PDE1C: variants seen among roughly 807,000 people sequenced by gnomAD.
The protein encoded by PDE1C is dual specificity calcium/calmodulin-dependent 3',5'-cyclic nucleotide phosphodiesterase 1C.
Under a neutral mutation model 93.1 loss-of-function variants are expected in PDE1C, and 62 were observed. The observed-to-expected ratio is 0.67, with a 90% confidence interval of 0.54 to 0.82. PDE1C has a LOEUF of 0.82. Among genes scored for constraint, PDE1C ranks in the 40% least tolerant of loss-of-function variants. PDE1C has a pLI of 0.00. For missense variants in PDE1C, 742 were observed against 884.6 expected, an observed-to-expected ratio of 0.84 and a Z score of 2.04; for synonymous variants, 325 against 310.1, an observed-to-expected ratio of 1.05 and a Z score of -0.50.
chr7:32,326,502 G>T (rs1783406246), intron 1 of PDE1C, among the ~76,000 whole-genome samples: 1 of 152,226 alleles, frequency 6.6e-6, no homozygotes, highest in African/African-American at 2.4e-5. Flanking sequence ...AGAGATTACA[G>T]TGCCTCGGAA....
intron 2 of PDE1C, among the ~76,000 whole-genome samples, chr7:32,174,361 T>C (rs1343802161): frequency 6.6e-6 from 1 of 151,994 alleles, no homozygotes; most frequent in African/African-American, 2.4e-5. Flanking sequence ...CAAGCAATCA[T>C]AATAAACTGG....
At chr7:32,245,476 C>T (rs1310492283) in intron 1 of PDE1C, among the ~76,000 whole-genome samples, 1 of 152,182 alleles carries the variant, frequency 6.6e-6, no homozygotes. Flanking sequence ...GTCCCTTCTC[C>T]AGCCCAATCC....
Position 32,328,538 on chromosome 7 carries a change from A to G in PDE1C, c.310+99284T>C, listed in dbSNP as rs118121395. 7.6e-3 allele frequency among the ~76,000 whole-genome samples: 1,164 copies of G among 152,216 alleles called. 13 individuals carry two copies. The highest frequency in any genetic ancestry group is 0.024 in the Middle Eastern group (7 of 294). On this transcript the variant is annotated intron_variant, in intron 1 of 1. Coordinates refer to the PDE1C transcript ENST00000672256. ...TCCATGTTCACTGTGCTCCAGACAC[A>G]CTGCCTCCTTCCTCTTCCTTGAACA... is the stretch of plus-strand genomic sequence containing the variant.
intron 16 of PDE1C, among the ~76,000 whole-genome samples, chr7:31,805,207 A>G (rs1272162023): frequency 6.6e-6 from 1 of 151,554 alleles, no homozygotes; most frequent in Non-Finnish European, 1.5e-5. Flanking sequence ...TTTCCTTTAT[A>G]AATTACCCAG....
chr7:32,240,465 T>C (rs1808463738), intron 1 of PDE1C, among the ~76,000 whole-genome samples: 1 of 152,104 alleles, frequency 6.6e-6, no homozygotes, highest in Non-Finnish European at 1.5e-5. Flanking sequence ...ATGGTGTTGT[T>C]TACTATGATA....
At chr7:31,625,302 G>T in the PDE1C span, among the ~76,000 whole-genome samples, 1 of 151,768 alleles carries the variant, frequency 6.6e-6, no homozygotes, top group Non-Finnish European at 1.5e-5. Flanking sequence ...AAATCATGCT[G>T]CTATAAAGAC....
At chr7:31,652,143 A>G in the PDE1C span, 6 of 990,488 alleles carry the variant, frequency 6.1e-6, no homozygotes, top group Non-Finnish European at 9.2e-6. Flanking sequence ...TCATTTCAGA[A>G]TCTAGGTTTA....
chr7:32,087,395 T>C (rs932245840), intron 3 of PDE1C, among the ~76,000 whole-genome samples: 2 of 152,142 alleles, frequency 1.3e-5, no homozygotes, highest in African/African-American at 4.8e-5. Flanking sequence ...ACTTTTACAC[T>C]GTTGGTGGGA....
chr7:31,808,591 T>C (rs896886461), intron 16 of PDE1C, among the ~76,000 whole-genome samples: 3 of 151,916 alleles, frequency 2.0e-5, no homozygotes, highest in Non-Finnish European at 4.4e-5. Context: ...TTTGTTTTTG[T>C]TTTAAACAAA....
the PDE1C span, among the ~76,000 whole-genome samples, chr7:31,733,316 T>C: frequency 6.6e-6 from 1 of 152,198 alleles, no homozygotes. Context: ...CTGAGCATAT[T>C]GCACAGTCAA....
In PDE1C at chr7:32,255,555, G is replaced by A. The variant is rs75920251; in HGVS notation, c.85+43096C>T. On this transcript the variant is annotated intron_variant, in intron 1 of 18. Transcript: ENST00000396193. The stretch of plus-strand genomic sequence containing the variant: ...CTGAGAATATCTCAGGAGCAACTAC[G>A]ATGCACTGCACTAAGTATCACATTA... 5.5e-4 allele frequency among the ~76,000 whole-genome samples: 84 copies of A among 152,250 alleles called. No homozygotes were observed. The East Asian group carries it at 0.012, about 21-fold the overall frequency.
In PDE1C at chr7:32,051,555, T is replaced by C; in HGVS notation, c.127A>G (p.Arg43Gly). 2 of 1,613,810 alleles carry C rather than the reference T, an allele frequency of 1.2e-6. No individual in the cohort carries two copies. The highest frequency in any genetic ancestry group is 1.7e-6 in the Non-Finnish European group (2 of 1,179,778). ...TGCAGCTCAGAAAGACGTTCTTACCTCTGGGACGTTTTCTTATATTTCCTC... is the reference window on the plus strand; with the variant it reads ...TGCAGCTCAGAAAGACGTTCTTACCCCTGGGACGTTTTCTTATATTTCCTC... ...GLRKYKKTSQ[R>G]LRSLVKQLER... The change falls in exon 2 of 18, where the codon AGA (arginine) becomes GGA (glycine). Residue 43 changes from arginine (R) to glycine (G), a missense_variant and splice_region_variant. Transcript: ENST00000396191.
chr7:31,707,635 G>A, the PDE1C span: 14,088 of 212,848 alleles, frequency 0.066, 585 homozygotes, highest in Non-Finnish European at 0.087. Flanking sequence ...CTCCTTCTTG[G>A]TTTTTGCTGC....
At chr7:32,262,299 G>A (rs1052152482) in intron 1 of PDE1C, among the ~76,000 whole-genome samples, 13 of 152,128 alleles carry the variant, frequency 8.5e-5, no homozygotes, top group Non-Finnish European at 1.8e-4. Context: ...CCTATCTTCT[G>A]TAAAATCTTA....
At chr7:31,798,379 C>T (rs1785571725) in intron 16 of PDE1C, among the ~76,000 whole-genome samples, 1 of 151,676 alleles carries the variant, frequency 6.6e-6, no homozygotes, top group African/African-American at 2.4e-5. Flanking sequence ...ATATCCCGAG[C>T]TCCCAGATGA....
intron 2 of PDE1C, among the ~76,000 whole-genome samples, chr7:31,968,407 G>A (rs1343415065): frequency 6.6e-6 from 1 of 152,068 alleles, no homozygotes; most frequent in East Asian, 1.9e-4. Context: ...TACAAGGGAT[G>A]TGAAGGACCT....
chr7:32,093,826 T>C (rs1030100434), intron 3 of PDE1C, among the ~76,000 whole-genome samples: 3 of 152,234 alleles, frequency 2.0e-5, no homozygotes, highest in Admixed American at 2.0e-4. Context: ...AAAGCTGCTG[T>C]GTGCTCTGGG....
chr7:32,344,237 C>A (rs1783809949), intron 1 of PDE1C, among the ~76,000 whole-genome samples: 1 of 152,102 alleles, frequency 6.6e-6, no homozygotes, highest in South Asian at 2.1e-4. Context: ...CCACACCCAG[C>A]TAATTTTTTC....
At chr7:32,397,083 C>T (rs1784851427) in intron 1 of PDE1C, among the ~76,000 whole-genome samples, 1 of 152,070 alleles carries the variant, frequency 6.6e-6, no homozygotes, top group African/African-American at 2.4e-5. Flanking sequence ...AGCTTCCTAA[C>T]TATGACTCAA....
Sources: allele counts gnomAD v4.1 joint callset (sites outside exome capture counted in the v4.1 genomes callset), GRCh38; gene constraint gnomAD v4.1.1; transcripts MANE v1.5; gene names NCBI Gene and HGNC (gene_info 2026-07-23, HGNC 2026-07-21).